The following SMARCAD1 variants were observed in gnomAD, a reference collection of about 807,000 sequenced individuals.
The protein encoded by SMARCAD1 is SWI/SNF-related matrix-associated actin-dependent regulator of chromatin subfamily A containing DEAD/H box 1.
SMARCAD1 carries 25 observed loss-of-function variants against 127.1 expected under a neutral mutation model. That is an observed-to-expected ratio of 0.20 (90% CI 0.14 to 0.27). The LOEUF is 0.27. Among genes scored for constraint, SMARCAD1 ranks in the 10% least tolerant of loss-of-function variants. SMARCAD1 has a pLI of 1.00. For missense variants in SMARCAD1, 807 were observed against 1,206.0 expected (o/e 0.67, Z 4.90); for synonymous variants, 400 against 396.9 (o/e 1.01, Z -0.09).
chr4:94,267,459 T>C (rs1751903930), intron 10 of SMARCAD1, among the ~76,000 whole-genome samples: 1 of 152,160 alleles, frequency 6.6e-6, no homozygotes, highest in Admixed American at 6.5e-5. Flanking sequence ...CCTGTATTTC[T>C]GTATTTTAAA....
chr4:94,234,814 C>G (rs1482255618), intron 4 of SMARCAD1, among the ~76,000 whole-genome samples: 2 of 152,192 alleles, frequency 1.3e-5, no homozygotes, highest in East Asian at 1.9e-4. Context: ...GCTGCTACCA[C>G]TACCAGTTCT....
intron 6 of SMARCAD1, among the ~76,000 whole-genome samples, chr4:94,242,595 A>G (rs908720724): frequency 1.3e-5 from 2 of 152,030 alleles, no homozygotes; most frequent in Admixed American, 6.6e-5. Context: ...AAATTATGCA[A>G]ATCCTTTGTA....
intron 1 of SMARCAD1, 23 bp from the exon 2 acceptor site, chr4:94,208,323 C>T (rs1332952927): frequency 6.6e-7 from 1 of 1,512,326 alleles, no homozygotes; most frequent in Non-Finnish European, 9.2e-7. Context: ...GCCTTTTTTC[C>T]TCTCTTTATT....
chr4:94,225,700 A>G (rs139948330), intron 2 of SMARCAD1, among the ~76,000 whole-genome samples: 30 of 152,306 alleles, frequency 2.0e-4, no homozygotes, highest in Middle Eastern at 3.4e-3. Flanking sequence ...TTTTATATGC[A>G]TATTAACTTT....
chr4:94,229,371 A>AT (rs1413137078), intron 3 of SMARCAD1, among the ~76,000 whole-genome samples: 5 of 152,114 alleles, frequency 3.3e-5, no homozygotes, highest in African/African-American at 4.8e-5. Flanking sequence ...GCTTTTATTT[A>AT]TGTGGTACAA....
intron 23 of SMARCAD1, among the ~76,000 whole-genome samples, chr4:94,286,642 T>C (rs1000729066): frequency 3.3e-5 from 5 of 152,228 alleles, no homozygotes; most frequent in African/African-American, 1.2e-4. Flanking sequence ...CTTACACTTT[T>C]TTCTCCCATC....
intron 11 of SMARCAD1, among the ~76,000 whole-genome samples, chr4:94,272,567 T>C (rs1194100655): frequency 1.3e-5 from 2 of 152,234 alleles, no homozygotes; most frequent in Admixed American, 1.3e-4. Context: ...TGGATTTTTT[T>C]CTGGTTATGT....
chr4:94,226,489 G>T (rs142226824), intron 3 of SMARCAD1, among the ~76,000 whole-genome samples, 193 bp downstream of exon 3: 19 of 114,990 alleles, frequency 1.7e-4, no homozygotes, highest in South Asian at 5.9e-4. Flanking sequence ...CAATGTGTGT[G>T]TTTTCTGGAT....
chr4:94,246,549 T>C (rs1353028278), intron 6 of SMARCAD1, among the ~76,000 whole-genome samples: 2 of 152,308 alleles, frequency 1.3e-5, no homozygotes, highest in South Asian at 4.1e-4. Flanking sequence ...GTGCGGCCTT[T>C]CTTTTTTCTT....
intron 2 of SMARCAD1, among the ~76,000 whole-genome samples, chr4:94,211,454 A>G (rs956414377): frequency 1.3e-5 from 2 of 152,182 alleles, no homozygotes; most frequent in African/African-American, 4.8e-5. Flanking sequence ...GGTGAATTAT[A>G]AATAGGATGT....
At chr4:94,214,422 G>A (rs1742815555) in intron 2 of SMARCAD1, among the ~76,000 whole-genome samples, 2 of 136,680 alleles carry the variant, frequency 1.5e-5, no homozygotes, top group South Asian at 2.9e-4. Context: ...CCACCACGCC[G>A]GGCTAATTTT....
chr4:94,258,965 T>G (rs530337111), intron 9 of SMARCAD1, among the ~76,000 whole-genome samples: 25 of 151,802 alleles, frequency 1.6e-4, no homozygotes, highest in African/African-American at 5.6e-4. Flanking sequence ...AATCAAACTA[T>G]TCTTCTTTTT....
intron 8 of SMARCAD1, among the ~76,000 whole-genome samples, chr4:94,252,265 G>A (rs984469123): frequency 6.6e-6 from 1 of 152,160 alleles, no homozygotes; most frequent in African/African-American, 2.4e-5. Flanking sequence ...AGTAGTGTAA[G>A]CATCATTCTG....
At chr4:94,217,938 CTG>C (rs1416355475) in intron 2 of SMARCAD1, among the ~76,000 whole-genome samples, 1 of 152,172 alleles carries the variant, frequency 6.6e-6, no homozygotes, top group Non-Finnish European at 1.5e-5. Context: ...ATCTAACAAT[CTG>C]TGTGCTTAGT....
chr4:94,208,035 G>C lies in SMARCAD1; in HGVS notation c.-85G>C, dbSNP rs932332159. ...TGTGGGCGGGCGCGAGGCCCGCTAG[G>C]GGGTTATACTGGGGAACGTGCCTGC... On this transcript the variant is annotated 5_prime_UTR_variant, in exon 1 of 24. Coordinates refer to ENST00000354268, the MANE Select transcript of SMARCAD1 (RefSeq NM_020159.5). 6 of 448,324 alleles carry C rather than the reference G, an allele frequency of 1.3e-5. No homozygotes were observed. Among genetic ancestry groups the C allele is most frequent in the African/African-American group, 6.0e-5 (3 of 50,168 alleles). The allele number at this position is 448,324 out of a possible 1,614,324, so 27.8% of individuals were successfully genotyped here.
intron 6 of SMARCAD1, among the ~76,000 whole-genome samples, chr4:94,247,805 A>G (rs1362216963): frequency 2.0e-5 from 3 of 152,000 alleles, no homozygotes; most frequent in African/African-American, 7.3e-5. Context: ...CTAGCCTCTT[A>G]TTTTTTAATT....
chr4:94,239,514 G>C lies in SMARCAD1; in HGVS notation c.605-1392G>C, dbSNP rs1182197463. On this transcript the variant is annotated intron_variant, in intron 5 of 23. Coordinates refer to ENST00000354268, the MANE Select transcript of SMARCAD1 (RefSeq NM_020159.5). ...TTTTACTCTACTTCAGAAGATAAGA[G>C]TACGAATTTATTGATGTTGTCCGGA... Among the ~76,000 whole-genome samples, 5 of 150,232 alleles carry C rather than the reference G, an allele frequency of 3.3e-5. No homozygotes were observed. In the South Asian group the frequency reaches 1.0e-3, roughly 31 times the overall value.
At chr4:94,243,384 C>G (rs140204696) in intron 6 of SMARCAD1, among the ~76,000 whole-genome samples, 1 of 152,158 alleles carries the variant, frequency 6.6e-6, no homozygotes, top group African/African-American at 2.4e-5. Context: ...AGTCCATTCT[C>G]AAGTATACCA....
At chr4:94,242,190 C>T (rs886760035) in intron 6 of SMARCAD1, among the ~76,000 whole-genome samples, 2 of 150,912 alleles carry the variant, frequency 1.3e-5, no homozygotes, top group Non-Finnish European at 3.0e-5. Flanking sequence ...TGCAGCACCA[C>T]GCCCAGCTGT....
Sources: gnomAD v4.1 joint callset for allele counts (sites outside exome capture counted in the v4.1 genomes callset) on GRCh38, gnomAD v4.1.1 for gene constraint, MANE v1.5 for transcripts, NCBI Gene and HGNC (gene_info 2026-07-23, HGNC 2026-07-21) for gene names.